Variants in KCNH7 observed in about 807,000 individuals in gnomAD.
KCNH7 encodes voltage-gated inwardly rectifying potassium channel KCNH7.
Under a neutral mutation model 120.8 loss-of-function variants are expected in KCNH7, and 49 were observed. That is an observed-to-expected ratio of 0.41 (90% CI 0.32 to 0.51). KCNH7 has a LOEUF of 0.51. Among genes scored for constraint, KCNH7 ranks in the 20% least tolerant of loss-of-function variants. KCNH7 has a pLI of 0.38. For missense variants in KCNH7, 1,097 were observed against 1,446.6 expected (o/e 0.76, Z 3.92); for synonymous variants, 547 against 516.1 (o/e 1.06, Z -0.81).
intron 2 of KCNH7, among the ~76,000 whole-genome samples, chr2:162,601,281 A>T (rs1459591927): frequency 6.6e-6 from 1 of 151,956 alleles, no homozygotes; most frequent in Non-Finnish European, 1.5e-5. Context: ...CTTAAGATGA[A>T]GCTTTAAATT....
chr2:162,738,645 A>G (rs556920780), intron 2 of KCNH7, among the ~76,000 whole-genome samples: 20 of 152,274 alleles, frequency 1.3e-4, no homozygotes, highest in Middle Eastern at 3.4e-3. Context: ...AAAAAAAGAA[A>G]ATCAGTGTGT....
At chr2:162,655,297 A>G (rs1311346627) in intron 2 of KCNH7, among the ~76,000 whole-genome samples, 1 of 152,210 alleles carries the variant, frequency 6.6e-6, no homozygotes, top group Non-Finnish European at 1.5e-5. Context: ...TCAATTAAAA[A>G]GTTTATTATT....
chr2:162,477,761 C>T (rs951733117), intron 6 of KCNH7, among the ~76,000 whole-genome samples: 2 of 152,050 alleles, frequency 1.3e-5, no homozygotes, highest in African/African-American at 4.8e-5. Context: ...CTGACTCTAC[C>T]TTACCTCTTC....
chr2:162,633,764 T>G (rs187591024), intron 2 of KCNH7, among the ~76,000 whole-genome samples: 30 of 152,152 alleles, frequency 2.0e-4, no homozygotes, highest in African/African-American at 6.7e-4. Context: ...TTACATTTGT[T>G]TACTCATTTC....
intron 2 of KCNH7, among the ~76,000 whole-genome samples, chr2:162,731,727 C>T (rs1377238761): frequency 6.6e-6 from 1 of 151,886 alleles, no homozygotes; most frequent in African/African-American, 2.4e-5. Flanking sequence ...TTTAGGGTTG[C>T]AGATACATCT....
rs1340393805 is a variant in KCNH7, at chr2:162,469,032, T to C, written c.1129-22589A>G. On this transcript the variant is annotated intron_variant, in intron 6 of 15. Coordinates refer to ENST00000332142, the MANE Select transcript of KCNH7 (RefSeq NM_033272.4). ...CATCTGCCTAATTTTTTAATTTTTA[T>C]TTTGTAGAAGCAGGAATCTTGCTAT... Among the ~76,000 whole-genome samples the C allele has an allele frequency of 2.0e-5, 3 of 152,178 alleles. No individual in the cohort carries two copies. In the East Asian group the frequency reaches 5.8e-4, roughly 29 times the overall value.
rs550349360 is a variant in KCNH7 at position 162,523,544 on chromosome 2, T to TTCTC, written c.464-5390_464-5387dup. ...TGCTGCTACTATATTCTCTCCCTCT[T>TTCTC]TCTCTCTCTCTCTCTCTCTCCCTAC... On this transcript the variant is annotated intron_variant, in intron 3 of 15. Coordinates refer to ENST00000332142, the MANE Select transcript of KCNH7 (RefSeq NM_033272.4). Among the ~76,000 whole-genome samples the TTCTC allele has an allele frequency of 2.7e-3, 403 of 149,376 alleles. 1 individual carries two copies. Among genetic ancestry groups the TTCTC allele is most frequent in the African/African-American group, 9.3e-3 (380 of 40,910 alleles).
At chr2:162,420,152 G>T (rs1272938282) in intron 9 of KCNH7, among the ~76,000 whole-genome samples, 1 of 152,168 alleles carries the variant, frequency 6.6e-6, no homozygotes, top group Non-Finnish European at 1.5e-5. Context: ...CAAGGCGGCA[G>T]ATCACTTGAG....
At chr2:162,457,796 C>G (rs144734297) in intron 6 of KCNH7, among the ~76,000 whole-genome samples, 1 of 151,990 alleles carries the variant, frequency 6.6e-6, no homozygotes, top group African/African-American at 2.4e-5. Context: ...ACAGAGAGCA[C>G]GCAGTAACAA....
chr2:162,624,897 T>G (rs1294611059), intron 2 of KCNH7, among the ~76,000 whole-genome samples: 12 of 139,476 alleles, frequency 8.6e-5, no homozygotes, highest in African/African-American at 1.4e-4. Context: ...TGGTTTTTTT[T>G]TTTTTTTTTT....
chr2:162,525,269 A>C (rs1691660870), intron 3 of KCNH7, among the ~76,000 whole-genome samples: 1 of 152,006 alleles, frequency 6.6e-6, no homozygotes, highest in African/African-American at 2.4e-5. Context: ...GGTTGGAGGA[A>C]GTCAGTGCTG....
chr2:162,569,891 G>A (rs200803489), intron 2 of KCNH7, among the ~76,000 whole-genome samples: 615 of 102,334 alleles, frequency 6.0e-3, no homozygotes, highest in African/African-American at 0.01. Flanking sequence ...TGTGGTCTGA[G>A]AGATAGTTTG....
chr2:162,837,066 C>T (rs1417206011), intron 1 of KCNH7, among the ~76,000 whole-genome samples: 1 of 152,174 alleles, frequency 6.6e-6, no homozygotes, highest in African/African-American at 2.4e-5. Context: ...TCCTAGTGGA[C>T]ACTCAGACAA....
chr2:162,417,987 G>A (rs1297502510), intron 9 of KCNH7, among the ~76,000 whole-genome samples: 1 of 152,088 alleles, frequency 6.6e-6, no homozygotes, highest in Non-Finnish European at 1.5e-5. Flanking sequence ...TGCTGTTCAG[G>A]GGCTGGCTAC....
chr2:162,809,113 A>G (rs947276267), intron 2 of KCNH7, among the ~76,000 whole-genome samples: 4 of 152,194 alleles, frequency 2.6e-5, no homozygotes, highest in Admixed American at 6.5e-5. Flanking sequence ...AGTTGGTTTG[A>G]CTTAAGATAA....
chr2:162,729,495 T>C (rs1199364602), intron 2 of KCNH7, among the ~76,000 whole-genome samples: 3 of 152,216 alleles, frequency 2.0e-5, no homozygotes, highest in Non-Finnish European at 4.4e-5. Flanking sequence ...TGTCAATTGA[T>C]ATTTGAAAAT....
At chr2:162,659,597 C>T (rs1361866106) in intron 2 of KCNH7, among the ~76,000 whole-genome samples, 1 of 152,172 alleles carries the variant, frequency 6.6e-6, no homozygotes, top group African/African-American at 2.4e-5. Flanking sequence ...CCCAGCTCAA[C>T]CTCCCAAAGT....
intron 2 of KCNH7, among the ~76,000 whole-genome samples, chr2:162,598,436 T>C (rs898476739): frequency 6.6e-6 from 1 of 152,068 alleles, no homozygotes; most frequent in African/African-American, 2.4e-5. Context: ...TCACTAAAAA[T>C]TATTTTAGTG....
chr2:162,528,177 T>C (rs564292995), intron 3 of KCNH7: 9 of 152,026 alleles, frequency 5.9e-5, no homozygotes, highest in Non-Finnish European at 1.2e-4. Context: ...ATGTATTAGA[T>C]ACTTACTATT....
Sources: allele counts gnomAD v4.1 joint callset (sites outside exome capture counted in the v4.1 genomes callset), GRCh38; gene constraint gnomAD v4.1.1; transcripts MANE v1.5; gene names NCBI Gene and HGNC (gene_info 2026-07-23, HGNC 2026-07-21).